C4orf51: variants seen among roughly 807,000 people sequenced by gnomAD.
C4orf51 encodes the protein chromosome 4 open reading frame 51, also known as uncharacterized protein C4orf51.
Under a neutral mutation model 25.2 loss-of-function variants are expected in C4orf51, and 25 were observed. The observed-to-expected ratio is 0.99, with a 90% CI of 0.72 to 1.39. C4orf51 has a LOEUF of 1.39. Among genes scored for constraint, C4orf51 ranks in the 40% most tolerant of loss-of-function variants. C4orf51 has a pLI of 0.00. For synonymous variants in C4orf51, 100 were observed against 84.5 expected, an observed-to-expected ratio of 1.18 and a Z score of -1.01; for missense variants, 252 against 239.6, an observed-to-expected ratio of 1.05 and a Z score of -0.34.
At chr4:145,711,761 T>A (rs186894404) in intron 2 of C4orf51, among the ~76,000 whole-genome samples, 82 of 152,350 alleles carry the variant, frequency 5.4e-4, no homozygotes, top group Non-Finnish European at 6.2e-4. Context: ...GAATTTTTTT[T>A]AATAAATTTT....
Position 145,729,152 on chromosome 4 carries a change from A to G in C4orf51, c.367-17A>G, listed in dbSNP as rs200784292. 86 of 1,548,090 alleles carry G rather than the reference A, an allele frequency of 5.6e-5. No homozygotes were observed. The highest frequency in any genetic ancestry group is 3.1e-4 in the African/African-American group (23 of 73,604). ...ATGAAAGTGGTTGGTATTTATTTCT[A>G]TCTCTCCTTTTTATAGGCACATCAA... On this transcript the variant is annotated splice_polypyrimidine_tract_variant and intron_variant, in intron 3 of 5. Transcript: ENST00000438731.
At chr4:145,778,186 TGCAGTG>T in the C4orf51 span, among the ~76,000 whole-genome samples, 1 of 152,156 alleles carries the variant, frequency 6.6e-6, no homozygotes, top group African/African-American at 2.4e-5. Context: ...CAGGCTGGAG[TGCAGTG>T]GCACGATCTT....
chr4:145,731,278 C>T (rs757243719), intron 5 of C4orf51, among the ~76,000 whole-genome samples: 3 of 152,196 alleles, frequency 2.0e-5, no homozygotes, highest in Non-Finnish European at 2.9e-5. Context: ...GTGTCTGCAG[C>T]TGTTCTGGGG....
chr4:145,786,294 C>T, the C4orf51 span, among the ~76,000 whole-genome samples: 6 of 152,156 alleles, frequency 3.9e-5, no homozygotes, highest in Admixed American at 1.3e-4. Context: ...CAAAACAGTC[C>T]TCTCAAAGAA....
chr4:145,720,994 T>C (rs1052509909), intron 2 of C4orf51, among the ~76,000 whole-genome samples: 7 of 152,190 alleles, frequency 4.6e-5, no homozygotes, highest in African/African-American at 1.7e-4. Flanking sequence ...TTAGATTGTT[T>C]TTTGGCTAAT....
At chr4:145,687,007 GGGGC>G (rs1729198843) in intron 1 of C4orf51, among the ~76,000 whole-genome samples, 1 of 131,216 alleles carries the variant, frequency 7.6e-6, no homozygotes, top group South Asian at 2.3e-4. Context: ...TCTTGTGGGG[GGGGC>G]GGTTTCCTTC....
chr4:145,703,857 G>A (rs9968523), intron 2 of C4orf51, among the ~76,000 whole-genome samples: 94,068 of 152,124 alleles, frequency 0.62, 30,223 homozygotes, highest in African/African-American at 0.8. Context: ...AGACGAGACT[G>A]CTGTGGGAGC....
At chr4:145,729,075 G>T in intron 3 of C4orf51, 94 bp from the exon 4 acceptor site, 1 of 865,268 alleles carries the variant, frequency 1.2e-6, no homozygotes, top group South Asian at 1.5e-5. Flanking sequence ...CTGAATGCAG[G>T]GGTGGGGAGG....
intron 1 of C4orf51, among the ~76,000 whole-genome samples, chr4:145,767,824 C>G (rs538044486): frequency 6.6e-6 from 1 of 152,214 alleles, no homozygotes; most frequent in East Asian, 1.9e-4. Flanking sequence ...TGAAGGAATT[C>G]ATCACCAGCA....
At chr4:145,744,126 A>G (rs1733238183) in intron 1 of C4orf51, among the ~76,000 whole-genome samples, 1 of 152,014 alleles carries the variant, frequency 6.6e-6, no homozygotes, top group African/African-American at 2.4e-5. Context: ...TTTTCCATAT[A>G]TTTGTTGCTC....
intron 1 of C4orf51, among the ~76,000 whole-genome samples, chr4:145,766,614 G>A (rs1435648489): frequency 6.6e-6 from 1 of 152,174 alleles, no homozygotes; most frequent in Non-Finnish European, 1.5e-5. Flanking sequence ...GGAAGGGGCA[G>A]CACAGAAGAA....
In C4orf51 at chr4:145,685,411, C is replaced by T. The variant is rs114259302; in HGVS notation, c.233+4975C>T. 5.4e-3 allele frequency among the ~76,000 whole-genome samples: 819 copies of T among 152,224 alleles called. 8 individuals are homozygous for T. Among genetic ancestry groups the T allele is most frequent in the African/African-American group, 0.019 (781 of 41,536 alleles). On this transcript the variant is annotated intron_variant, in intron 1 of 5. Coordinates refer to ENST00000438731, the MANE Select transcript of C4orf51 (RefSeq NM_001080531.3). The stretch of plus-strand genomic sequence containing the variant: ...GAGTTAAAGAAGGAAGGGGTTTATT[C>T]GGCTAGGGGCATCGGCAAGACTCCT...
intron 2 of C4orf51, among the ~76,000 whole-genome samples, chr4:145,703,257 T>C (rs886553836): frequency 6.6e-6 from 1 of 151,898 alleles, no homozygotes; most frequent in Non-Finnish European, 1.5e-5. Context: ...AAAGTCCTTT[T>C]CCTGGCTCAT....
At chr4:145,736,083 A>T (rs759283929), downstream of C4orf51, among the ~76,000 whole-genome samples, 7 of 152,110 alleles carry the variant, frequency 4.6e-5, no homozygotes, top group Non-Finnish European at 1.0e-4. Flanking sequence ...CAAACCAGCA[A>T]AAAGCCAAGC....
chr4:145,753,140 T>TTG (rs57325282), intron 1 of C4orf51, among the ~76,000 whole-genome samples: 3,357 of 145,808 alleles, frequency 0.023, 40 homozygotes, highest in African/African-American at 0.032. Context: ...TATGAAGGTT[T>TTG]TGTGTGTGTG....
chr4:145,698,516 CTGGGTTTTGATAAAGGGATG>C (rs1730220087), intron 2 of C4orf51, among the ~76,000 whole-genome samples: 1 of 152,104 alleles, frequency 6.6e-6, no homozygotes, highest in African/African-American at 2.4e-5. Flanking sequence ...AAAGGAATGT[CTGGGTTTTGATAAAGGGATG>C]TGGAGACCAA....
At chr4:145,692,979 T>TTTTTTTA (rs1729703880) in intron 1 of C4orf51, among the ~76,000 whole-genome samples, 1 of 116,494 alleles carries the variant, frequency 8.6e-6, no homozygotes, top group African/African-American at 3.4e-5. Context: ...TTTTTTTTTT[T>TTTTTTTA]GTAAGTCCCA....
rs1056628020 is a variant in C4orf51 at position 145,770,613 on chromosome 4, T to C, written n.167-375T>C. On this transcript the variant is annotated intron_variant and non_coding_transcript_variant, in intron 1 of 1. Coordinates refer to the C4orf51 transcript ENST00000510096. ...ACATAATAAAATATAATAATAATGA[T>C]AACTAATACTTTGTATTTTCCCATG... Among the ~76,000 whole-genome samples the C allele has an allele frequency of 2.6e-5, 4 of 151,944 alleles. No individual in the cohort carries two copies. The South Asian group carries it at 8.3e-4, about 31-fold the overall frequency.
At chr4:145,715,834 A>G (rs577300320) in intron 2 of C4orf51, among the ~76,000 whole-genome samples, 1 of 152,306 alleles carries the variant, frequency 6.6e-6, no homozygotes, top group South Asian at 2.1e-4. Context: ...GCTCTTAAAA[A>G]TGACAGCTCT....
Sources: gnomAD v4.1 joint callset for allele counts (sites outside exome capture counted in the v4.1 genomes callset) on GRCh38, gnomAD v4.1.1 for gene constraint, MANE v1.5 for transcripts, NCBI Gene and HGNC (gene_info 2026-07-23, HGNC 2026-07-21) for gene names.